TTLL1: variants seen among roughly 807,000 people sequenced by gnomAD.
TTLL1 encodes the protein polyglutamylase complex subunit TTLL1.
A neutral mutation model predicts 47.8 loss-of-function variants in TTLL1; 33 were observed. The observed-to-expected ratio is 0.69, with a 90% confidence interval of 0.52 to 0.92. TTLL1 has a LOEUF of 0.92. Among genes scored for constraint, TTLL1 ranks in the 40% least tolerant of loss-of-function variants. TTLL1 has a pLI of 0.00. For missense variants in TTLL1, 488 were observed against 547.5 expected (o/e 0.89, Z 1.08); for synonymous variants, 225 against 214.1 (o/e 1.05, Z -0.45).
At chr22:43,052,752 GCAAA>G (rs773911859) in intron 8 of TTLL1, among the ~76,000 whole-genome samples, 1 of 147,380 alleles carries the variant, frequency 6.8e-6, no homozygotes, top group Non-Finnish European at 1.5e-5. Flanking sequence ...TCACTTAAAA[GCAAA>G]CAAACAAAAA....
rs781220697 is a variant in TTLL1 at position 43,039,842 on chromosome 22, C to T, written c.1206G>A (p.Gln402=). ...ATCGGCCTGCTCTGGGCCCCAGAGA[C>T]TGACCCTGACGGCTTCTCAGCTCCC... ...ADRELRSRQG[Q]SLGPRAGRSR... Residue 402 remains glutamine (Q), a synonymous_variant, in exon 11 of 11, where the codon CAG becomes CAA. Transcript: ENST00000266254. 1.4e-5 allele frequency: 23 copies of T among 1,613,960 alleles called. No homozygotes were observed. The highest frequency in any genetic ancestry group is 6.6e-5 in the South Asian group (6 of 91,078).
intron 1 of TTLL1, among the ~76,000 whole-genome samples, chr22:43,082,969 G>A (rs980442224): frequency 6.6e-5 from 10 of 152,034 alleles, no homozygotes; most frequent in Admixed American, 4.6e-4. Flanking sequence ...AGCCGAGATC[G>A]TGCCATTGCA....
chr22:43,079,684 C>T (rs573394569), intron 2 of TTLL1, among the ~76,000 whole-genome samples: 18 of 152,290 alleles, frequency 1.2e-4, no homozygotes, highest in Non-Finnish European at 2.4e-4. Context: ...GAAGGCTGTG[C>T]GCGATTCTCA....
chr22:43,069,967 G>A, intron 3 of TTLL1, 123 bp from the exon 4 acceptor site: 1 of 1,436,848 alleles, frequency 7.0e-7, no homozygotes, highest in Admixed American at 2.3e-5. Context: ...ACATCCCCTG[G>A]CACCTGAGCC....
At chr22:43,082,526 A>G (rs1258704150) in intron 1 of TTLL1, among the ~76,000 whole-genome samples, 5 of 148,128 alleles carry the variant, frequency 3.4e-5, no homozygotes, top group East Asian at 4.0e-4. Context: ...GACCAGCCTG[A>G]CCAACATGGT....
chr22:43,062,406 G>A lies in TTLL1; in HGVS notation c.747+1407C>T, dbSNP rs185032430. Reference sequence around the variant, plus strand: ...CTCAGGAGGCTGAGGCAGGAGAATCGCTTGAACCTGGGAGGCGGAGGTTGC... The same window carrying A: ...CTCAGGAGGCTGAGGCAGGAGAATCACTTGAACCTGGGAGGCGGAGGTTGC... On this transcript the variant is annotated intron_variant, in intron 7 of 10. Coordinates refer to ENST00000266254, the MANE Select transcript of TTLL1 (RefSeq NM_012263.5). Among the ~76,000 whole-genome samples the A allele has an allele frequency of 1.0e-3, 150 of 149,912 alleles. 1 individual carries two copies. The highest frequency in any genetic ancestry group is 3.3e-3 in the African/African-American group (136 of 40,628).
At chr22:43,056,710 G>A (rs1190633623) in intron 8 of TTLL1, among the ~76,000 whole-genome samples, 10 of 151,800 alleles carry the variant, frequency 6.6e-5, no homozygotes, top group Admixed American at 5.9e-4. Flanking sequence ...TCTTGAACCC[G>A]GGAGGTGGAG....
At chr22:43,066,175 A>T (rs888261691) in intron 5 of TTLL1, among the ~76,000 whole-genome samples, 12 of 125,134 alleles carry the variant, frequency 9.6e-5, no homozygotes, top group South Asian at 7.0e-4. Context: ...AAAAAAAATT[A>T]AAAAAAAAAT....
intron 10 of TTLL1, among the ~76,000 whole-genome samples, chr22:43,042,671 G>A (rs926298468): frequency 6.6e-5 from 10 of 152,276 alleles, no homozygotes; most frequent in African/African-American, 1.9e-4. Context: ...GACGGGCGGC[G>A]CCGCTCAGAT....
At chr22:43,079,159 A>AT in intron 2 of TTLL1, among the ~76,000 whole-genome samples, 1 of 110,562 alleles carries the variant, frequency 9.0e-6, no homozygotes, top group African/African-American at 3.4e-5. Flanking sequence ...GCGTGAGCCC[A>AT]TCCTACACCC....
intron 1 of TTLL1, among the ~76,000 whole-genome samples, chr22:43,081,765 T>C (rs984151924): frequency 1.3e-5 from 2 of 151,482 alleles, no homozygotes; most frequent in Non-Finnish European, 2.9e-5. Context: ...GCCAGGTTGG[T>C]CTTGAACTCC....
In TTLL1 at chr22:43,040,088, G is replaced by A; in HGVS notation, c.1143-183C>T. ...TGGCTCCAGCCCACCTGCCTGCCAG[G>A]TGGCTCTCGCAGCCCAGCAAATGCT... is the stretch of plus-strand genomic sequence containing the variant. On this transcript the variant is annotated intron_variant, in intron 10 of 10. Transcript: ENST00000266254. 5.6e-6 allele frequency: 4 copies of A among 708,324 alleles called. No individual in the cohort carries two copies. The Middle Eastern group carries it at 1.3e-3, about 224-fold the overall frequency. 43.9% of individuals were successfully genotyped at this position (708,324 alleles called of 1,614,324 possible).
At chr22:43,057,097 C>T (rs1319938807) in intron 8 of TTLL1, among the ~76,000 whole-genome samples, 1 of 152,050 alleles carries the variant, frequency 6.6e-6, no homozygotes, top group Non-Finnish European at 1.5e-5. Context: ...TGGTGAAACT[C>T]TGTCAGTACT....
Position 43,074,581 on chromosome 22 carries a change from C to A in TTLL1, c.113+893G>T, listed in dbSNP as rs1408192066. Among the ~76,000 whole-genome samples, 3 of 152,204 alleles carry A rather than the reference C, an allele frequency of 2.0e-5. No homozygotes were observed. The South Asian group carries it at 6.2e-4, about 32-fold the overall frequency. On this transcript the variant is annotated intron_variant, in intron 3 of 10. Coordinates refer to ENST00000266254, the MANE Select transcript of TTLL1 (RefSeq NM_012263.5). ...GAAGGCTGGGTACAGTGGCTCACGC[C>A]TGTAATCCCAACACTTTGGGAGGCT...
At chr22:43,055,067 A>G in intron 8 of TTLL1, among the ~76,000 whole-genome samples, 1 of 151,142 alleles carries the variant, frequency 6.6e-6, no homozygotes, top group Admixed American at 6.6e-5. Flanking sequence ...TCTGTCACCC[A>G]GGCTGGGGTG....
intron 9 of TTLL1, among the ~76,000 whole-genome samples, chr22:43,050,513 GT>G (rs71186562): frequency 0.35 from 50,575 of 143,886 alleles, 12,276 homozygotes; most frequent in East Asian, 0.82. Context: ...GTTTTTTTTT[GT>G]TTTTTTTTTT....
chr22:43,061,195 A>C (rs1342336541), intron 7 of TTLL1, among the ~76,000 whole-genome samples: 2 of 152,188 alleles, frequency 1.3e-5, no homozygotes, highest in Non-Finnish European at 2.9e-5. Flanking sequence ...GTCTAAAAAA[A>C]CTAATAATCA....
intron 3 of TTLL1, among the ~76,000 whole-genome samples, chr22:43,071,281 G>A (rs1407608913): frequency 6.6e-6 from 1 of 152,080 alleles, no homozygotes; most frequent in Non-Finnish European, 1.5e-5. Flanking sequence ...CTCAAGAACA[G>A]TTCATACACA....
rs201544523 is a variant in TTLL1, at chr22:43,039,869, G to C, written c.1179C>G (p.Asp393Glu). 1.2e-6 allele frequency: 2 copies of C among 1,613,882 alleles called. No individual in the cohort carries two copies. The highest frequency in any genetic ancestry group is 4.5e-5 in the East Asian group (2 of 44,872). The part of the protein sequence containing the change: ...DEELAQGDGA[D>E]RELRSRQGQS... ...GACCCTGACGGCTTCTCAGCTCCCG[G>C]TCAGCCCCGTCACCCTGGGCCAATT... The change falls in exon 11 of 11, where the codon GAC (aspartate) becomes GAG (glutamate). Residue 393 changes from aspartate (D) to glutamate (E), a missense_variant. Asp to Glu is a conservative substitution (Grantham distance 45). Coordinates refer to ENST00000266254, the MANE Select transcript of TTLL1 (RefSeq NM_012263.5).
Sources: allele counts gnomAD v4.1 joint callset (sites outside exome capture counted in the v4.1 genomes callset), GRCh38; gene constraint gnomAD v4.1.1; transcripts MANE v1.5; gene names NCBI Gene and HGNC (gene_info 2026-07-23, HGNC 2026-07-21).